GRM8: variants seen among roughly 807,000 people sequenced by gnomAD.
The protein encoded by GRM8 is glutamate metabotropic receptor 8.
A neutral mutation model predicts 87.2 loss-of-function variants in GRM8; 47 were observed. That is an observed-to-expected ratio of 0.54 (90% CI 0.43 to 0.69). GRM8 has a LOEUF of 0.69. GRM8 is among the 30% of genes least tolerant of loss of function. The pLI is 0.00. For missense variants in GRM8, 1,019 were observed against 1,139.2 expected (o/e 0.89, Z 1.52); for synonymous variants, 396 against 404.5 (o/e 0.98, Z 0.25).
intron 9 of GRM8, among the ~76,000 whole-genome samples, chr7:126,529,007 A>G (rs1215995643): frequency 6.6e-6 from 1 of 152,240 alleles, no homozygotes; most frequent in Non-Finnish European, 1.5e-5. Context: ...GTATCTCAAT[A>G]GTTGCATCAA....
intron 8 of GRM8, among the ~76,000 whole-genome samples, chr7:126,597,407 C>A: frequency 6.6e-6 from 1 of 151,916 alleles, no homozygotes. Flanking sequence ...GCTGATGAAA[C>A]CCACTGAACT....
At chr7:126,454,163 A>T (rs1237914939) in intron 9 of GRM8, among the ~76,000 whole-genome samples, 1 of 151,808 alleles carries the variant, frequency 6.6e-6, no homozygotes, top group East Asian at 1.9e-4. Context: ...TCAGGAACAA[A>T]ATTTATCTCT....
At chr7:126,806,851 C>G (rs1450914766) in intron 6 of GRM8, among the ~76,000 whole-genome samples, 1 of 152,166 alleles carries the variant, frequency 6.6e-6, no homozygotes, top group Non-Finnish European at 1.5e-5. Context: ...GGTGGCCACC[C>G]GTAAGCCCCA....
intron 3 of GRM8, among the ~76,000 whole-genome samples, chr7:127,094,597 A>C (rs1824461847): frequency 6.6e-6 from 1 of 152,218 alleles, no homozygotes; most frequent in East Asian, 1.9e-4. Flanking sequence ...GCTGGAAGAG[A>C]TTCCTCCTCA....
chr7:126,675,572 C>T (rs1380818852), intron 7 of GRM8, among the ~76,000 whole-genome samples: 1 of 152,088 alleles, frequency 6.6e-6, no homozygotes. Flanking sequence ...CCTAAGGATG[C>T]AGGGATGGTT....
chr7:126,776,174 T>C (rs1055583437), intron 6 of GRM8, among the ~76,000 whole-genome samples: 14 of 152,182 alleles, frequency 9.2e-5, no homozygotes, highest in African/African-American at 2.9e-4. Context: ...GAATAATGTG[T>C]AAAATCAATT....
At chr7:126,838,174 T>A (rs1795966642) in intron 6 of GRM8, among the ~76,000 whole-genome samples, 2 of 152,230 alleles carry the variant, frequency 1.3e-5, no homozygotes, top group Admixed American at 1.3e-4. Flanking sequence ...CTTATTCTAA[T>A]TTGATGCATT....
chr7:127,086,037 G>A (rs1005756185), intron 3 of GRM8, among the ~76,000 whole-genome samples: 1 of 152,174 alleles, frequency 6.6e-6, no homozygotes, highest in African/African-American at 2.4e-5. Flanking sequence ...TCATAAAATC[G>A]AAGTGAGGAA....
In GRM8 at chr7:126,769,818, A is replaced by C. The variant is rs573042898; in HGVS notation, c.1357+47T>G. On this transcript the variant is annotated intron_variant, in intron 7 of 10. Transcript: ENST00000339582. ...CTTCTATATATAGGAGGAAAAACAC[A>C]CCCTGTCGCTTTTAATGTATTTAGA... The C allele has an allele frequency of 9.5e-5, 120 of 1,261,270 alleles. 1 individual carries two copies. The South Asian group carries it at 1.4e-3, about 14-fold the overall frequency. The allele number at this position is 1,261,270 out of a possible 1,614,324, so 78.1% of individuals were successfully genotyped here. A position where few individuals can be genotyped will look rare whatever the true frequency, so the allele number is the denominator to read the frequency against.
chr7:126,944,925 G>A (rs911190050), intron 3 of GRM8, among the ~76,000 whole-genome samples: 13 of 152,132 alleles, frequency 8.5e-5, no homozygotes, highest in Non-Finnish European at 1.5e-4. Flanking sequence ...GACTAACAAC[G>A]TGATGTCATT....
chr7:127,154,754 C>T (rs1163952786), intron 2 of GRM8, among the ~76,000 whole-genome samples: 3 of 151,632 alleles, frequency 2.0e-5, no homozygotes, highest in Non-Finnish European at 4.4e-5. Context: ...TAACTAATTT[C>T]AGGAACACAT....
chr7:126,868,444 G>C (rs541833055), intron 6 of GRM8, among the ~76,000 whole-genome samples: 1 of 152,326 alleles, frequency 6.6e-6, no homozygotes, highest in African/African-American at 2.4e-5. Context: ...GACTACAAAA[G>C]TTGGTTAATC....
In GRM8 at chr7:127,234,161, T is replaced by C. The variant is rs958798011; in HGVS notation, c.510+8534A>G. ...AATGGAAATCAGGAGGTAGCTGTCA[T>C]GGTTTCTGAAGACAAATTGCTGGTA... On this transcript the variant is annotated intron_variant, in intron 2 of 10. Transcript: ENST00000339582. 2.0e-5 allele frequency among the ~76,000 whole-genome samples: 3 copies of C among 152,350 alleles called. No individual in the cohort carries two copies. The South Asian group carries it at 6.2e-4, about 32-fold the overall frequency.
intron 7 of GRM8, among the ~76,000 whole-genome samples, chr7:126,695,436 AAGG>A (rs1045072850): frequency 6.6e-6 from 1 of 152,136 alleles, no homozygotes; most frequent in Admixed American, 6.5e-5. Context: ...ACTGAATTAC[AAGG>A]AGTAGATGGA....
At chr7:127,123,558 C>T (rs1827198440) in intron 2 of GRM8, among the ~76,000 whole-genome samples, 1 of 152,152 alleles carries the variant, frequency 6.6e-6, no homozygotes, top group South Asian at 2.1e-4. Flanking sequence ...TCATCAGATG[C>T]AGATGCCCAA....
chr7:127,098,773 T>G (rs984751614), intron 3 of GRM8, among the ~76,000 whole-genome samples: 2 of 152,142 alleles, frequency 1.3e-5, no homozygotes, highest in African/African-American at 2.4e-5. Flanking sequence ...ATTTGCAAAT[T>G]TAGGGGGAGA....
At chr7:127,092,733 GA>G (rs1183741354) in intron 3 of GRM8, among the ~76,000 whole-genome samples, 1 of 152,136 alleles carries the variant, frequency 6.6e-6, no homozygotes, top group African/African-American at 2.4e-5. Context: ...AGAAGGAAAA[GA>G]AAATGTTAAC....
chr7:127,074,025 G>C (rs1822004657), intron 3 of GRM8, among the ~76,000 whole-genome samples: 1 of 152,170 alleles, frequency 6.6e-6, no homozygotes, highest in Non-Finnish European at 1.5e-5. Flanking sequence ...AGTTTTAGTA[G>C]TGCTGTAATG....
chr7:126,519,713 A>C (rs918193551), intron 9 of GRM8, among the ~76,000 whole-genome samples: 1 of 152,126 alleles, frequency 6.6e-6, no homozygotes, highest in Non-Finnish European at 1.5e-5. Flanking sequence ...GACAAAGAAG[A>C]AGTGTTGTGC....
Sources: gnomAD v4.1 joint callset for allele counts (sites outside exome capture counted in the v4.1 genomes callset) on GRCh38, gnomAD v4.1.1 for gene constraint, MANE v1.5 for transcripts, NCBI Gene and HGNC (gene_info 2026-07-23, HGNC 2026-07-21) for gene names.